TTC17: variants seen among roughly 807,000 people sequenced by gnomAD.
TTC17 encodes tetratricopeptide repeat protein 17.
TTC17 carries 58 observed loss-of-function variants against 143.8 expected under a neutral mutation model. The ratio of observed to expected loss-of-function variants is 0.40; its 90% CI spans 0.33 to 0.50. TTC17 has a LOEUF of 0.50. TTC17 is among the 20% of genes least tolerant of loss of function. TTC17 has a pLI of 0.49. For missense variants in TTC17, 1,273 were observed against 1,392.5 expected (o/e 0.91, Z 1.37); for synonymous variants, 501 against 497.8 (o/e 1.01, Z -0.09).
At position 43,358,941 on chromosome 11, in the gene TTC17, G is replaced by C; in HGVS notation, c.-14G>C. The C allele has an allele frequency of 6.4e-7, 1 of 1,566,980 alleles. No individual in the cohort carries two copies. Among genetic ancestry groups the C allele is most frequent in the Non-Finnish European group, 8.6e-7 (1 of 1,157,444 alleles). On this transcript the variant is annotated 5_prime_UTR_variant, in exon 1 of 24. Transcript: ENST00000039989. ...TTCCGCTTCCGGTGTGAGCGGCCCG[G>C]CCGGGGGGGCAAGATGGCGGCGGCA...
rs202044187 is a variant in TTC17, at chr11:43,397,476, G to A, written c.903G>A (p.Leu301=). 6.2e-7 allele frequency: 1 copy of A among 1,611,692 alleles called. No homozygotes were observed. The highest frequency in any genetic ancestry group is 2.2e-5 in the East Asian group (1 of 44,870). The change falls in exon 7 of 24, where the codon TTG becomes TTA. Residue 301 remains leucine, a synonymous_variant. Transcript: ENST00000039989. ...ACTTCTTCACCAGCTATTACACTTT[G>A]GGGAATATATATGCAGTAAGTACTA... is the stretch of plus-strand genomic sequence containing the variant. The part of the protein sequence containing the change: ...DSDFFTSYYT[L]GNIYAMLGEY...
At chr11:43,448,298 CAGTG>C (rs1480235036) in intron 19 of TTC17, among the ~76,000 whole-genome samples, 176 bp downstream of exon 19, 6 of 152,316 alleles carry the variant, frequency 3.9e-5, no homozygotes, top group Non-Finnish European at 8.8e-5. Flanking sequence ...TGTAGCAAAG[CAGTG>C]AGTGTGCCCC....
intron 1 of TTC17, chr11:43,378,949 A>G (rs865986072): frequency 4.8e-5 from 15 of 310,942 alleles, no homozygotes; most frequent in East Asian, 2.6e-4. Context: ...TACTTTATCA[A>G]TCATTGCCAA....
At chr11:43,460,149 T>C (rs1947838752) in intron 21 of TTC17, among the ~76,000 whole-genome samples, 1 of 152,044 alleles carries the variant, frequency 6.6e-6, no homozygotes, top group Admixed American at 6.6e-5. Context: ...AAGAAGCTGG[T>C]AACGAGAAAG....
Position 43,397,189 on chromosome 11 carries a change from A to G in TTC17, c.774-158A>G, listed in dbSNP as rs931328727. 8.0e-6 allele frequency: 6 copies of G among 749,940 alleles called. No homozygotes were observed. In the African/African-American group the frequency reaches 8.7e-5, roughly 11 times the overall value. 46.5% of individuals were successfully genotyped at this position (749,940 alleles called of 1,614,324 possible). A position where few individuals can be genotyped will look rare whatever the true frequency, so the allele number is the denominator to read the frequency against. On this transcript the variant is annotated intron_variant, in intron 6 of 23. Transcript: ENST00000039989. ...TATTTTAGTGACAAAATTTGTAGCT[A>G]TCAGATTAAGAGCCATCAATAATTT...
At position 43,441,515 on chromosome 11, in the gene TTC17, T is replaced by G. The variant is rs533236581; in HGVS notation, c.2252-1810T>G. Among the ~76,000 whole-genome samples the G allele has an allele frequency of 3.9e-5, 6 of 151,958 alleles. 1 individual carries two copies. The highest frequency in any genetic ancestry group is 8.8e-5 in the Non-Finnish European group (6 of 67,960). On this transcript the variant is annotated intron_variant, in intron 16 of 23. Coordinates refer to ENST00000039989, the MANE Select transcript of TTC17 (RefSeq NM_018259.6). The stretch of plus-strand genomic sequence containing the variant: ...TTTCTTAAGGTTAGAAACTTTCCAT[T>G]TTTTTTTGTTCCCACCTACAGCTTA...
chr11:43,402,362 A>G (rs1026846906), intron 10 of TTC17, among the ~76,000 whole-genome samples: 1 of 152,172 alleles, frequency 6.6e-6, no homozygotes, highest in Admixed American at 6.6e-5. Context: ...GCTCATTATC[A>G]ACAGAAAATC....
chr11:43,368,751 C>T (rs1856448932), intron 1 of TTC17, among the ~76,000 whole-genome samples: 1 of 152,196 alleles, frequency 6.6e-6, no homozygotes, highest in Non-Finnish European at 1.5e-5. Context: ...AGAAAATCTT[C>T]AGTAGTTTCC....
intron 16 of TTC17, chr11:43,436,356 T>G: frequency 8.0e-7 from 1 of 1,245,954 alleles, no homozygotes; most frequent in Non-Finnish European, 1.0e-6. Context: ...TGACCTGAGC[T>G]GTGCTTCTGG....
At chr11:43,448,538 C>T (rs141130661) in intron 19 of TTC17, 136 of 157,388 alleles carry the variant, frequency 8.6e-4, no homozygotes, top group Non-Finnish European at 1.5e-3. Context: ...GACACTCGCT[C>T]TCTTTTGCTG....
chr11:43,428,786 A>G (rs564109152), intron 16 of TTC17, among the ~76,000 whole-genome samples: 2 of 152,348 alleles, frequency 1.3e-5, no homozygotes, highest in South Asian at 4.1e-4. Context: ...ACACACACAC[A>G]TACACATTCA....
chr11:43,371,254 A>T (rs1856558126), intron 1 of TTC17, among the ~76,000 whole-genome samples: 1 of 152,132 alleles, frequency 6.6e-6, no homozygotes, highest in African/African-American at 2.4e-5. Flanking sequence ...TTCAGTTCTG[A>T]CATTGTCTAC....
chr11:43,437,835 T>C (rs1184030336), intron 16 of TTC17, among the ~76,000 whole-genome samples: 1 of 152,238 alleles, frequency 6.6e-6, no homozygotes, highest in Non-Finnish European at 1.5e-5. Context: ...AAAGATTCCC[T>C]GTTTGCTTTT....
At chr11:43,412,127 A>G (rs1392808592) in intron 15 of TTC17, among the ~76,000 whole-genome samples, 1 of 152,226 alleles carries the variant, frequency 6.6e-6, no homozygotes, top group Non-Finnish European at 1.5e-5. Flanking sequence ...GCTGCTTATG[A>G]AAACAAAGTC....
chr11:43,400,549 C>CT (rs1317086599), intron 9 of TTC17, among the ~76,000 whole-genome samples: 1 of 152,088 alleles, frequency 6.6e-6, no homozygotes, highest in African/African-American at 2.4e-5. Flanking sequence ...ATCCATACTC[C>CT]TTTTTTTCTT....
intron 1 of TTC17, 86 bp downstream of exon 1, chr11:43,359,199 C>T (rs1855988992): frequency 1.4e-6 from 2 of 1,424,486 alleles, no homozygotes; most frequent in Non-Finnish European, 1.8e-6. Flanking sequence ...TTGGGCTCCG[C>T]GCGGCCCCGC....
At position 43,360,201 on chromosome 11, in the gene TTC17, A is replaced by G. The variant is rs570719856; in HGVS notation, c.159+1088A>G. 3.9e-5 allele frequency among the ~76,000 whole-genome samples: 6 copies of G among 152,362 alleles called. No homozygotes were observed. The East Asian group carries it at 9.6e-4, about 24-fold the overall frequency. On this transcript the variant is annotated intron_variant, in intron 1 of 23. Coordinates refer to ENST00000039989, the MANE Select transcript of TTC17 (RefSeq NM_018259.6). ...TAGATTTGCCGTGTAATGTAATTGCAAATTCTATCTCAAGTAAGTTAAGTA... is the reference window on the plus strand; with the variant it reads ...TAGATTTGCCGTGTAATGTAATTGCGAATTCTATCTCAAGTAAGTTAAGTA...
chr11:43,371,559 C>T (rs543582343), intron 1 of TTC17, among the ~76,000 whole-genome samples: 6 of 152,316 alleles, frequency 3.9e-5, no homozygotes, highest in Admixed American at 3.3e-4. Context: ...TTTGGCTCTC[C>T]GGAATCTCCT....
intron 16 of TTC17, among the ~76,000 whole-genome samples, chr11:43,417,559 G>C (rs1792150740): frequency 6.6e-6 from 1 of 152,198 alleles, no homozygotes; most frequent in Non-Finnish European, 1.5e-5. Flanking sequence ...TTGTTGGCCA[G>C]GCATGGTGGC....
Sources: allele counts gnomAD v4.1 joint callset (sites outside exome capture counted in the v4.1 genomes callset), GRCh38; gene constraint gnomAD v4.1.1; transcripts MANE v1.5; gene names NCBI Gene and HGNC (gene_info 2026-07-23, HGNC 2026-07-21).